RIMS1: variants seen among roughly 807,000 people sequenced by gnomAD.
RIMS1 encodes regulating synaptic membrane exocytosis 1.
A neutral mutation model predicts 214.1 loss-of-function variants in RIMS1; 83 were observed. That is an observed-to-expected ratio of 0.39 (90% CI 0.32 to 0.47). The LOEUF (loss-of-function observed/expected upper bound fraction) is 0.47. Ranked by LOEUF, RIMS1 falls within the 20% of genes least tolerant of loss-of-function variation. The probability of loss-of-function intolerance (pLI) is 0.99; values close to 1 mark genes in which losing one functional copy is unlikely to be tolerated. For missense variants in RIMS1, 2,050 were observed against 2,161.8 expected, an observed-to-expected ratio of 0.95 and a Z score of 1.03; for synonymous variants, 793 against 786.8, an observed-to-expected ratio of 1.01 and a Z score of -0.13.
chr6:71,955,277 C>T (rs548715117), intron 1 of RIMS1, among the ~76,000 whole-genome samples: 18 of 152,192 alleles, frequency 1.2e-4, no homozygotes, highest in African/African-American at 2.9e-4. Flanking sequence ...AGCGATTCTC[C>T]TGCCTCAGCC....
chr6:72,328,294 CA>C (rs899056629), intron 28 of RIMS1, among the ~76,000 whole-genome samples: 21 of 151,672 alleles, frequency 1.4e-4, no homozygotes, highest in African/African-American at 4.8e-4. Flanking sequence ...CAAGGCCTGT[CA>C]GGGGGTAGGG....
chr6:72,222,891 T>C (rs2058961854), intron 6 of RIMS1, among the ~76,000 whole-genome samples: 1 of 152,214 alleles, frequency 6.6e-6, no homozygotes, highest in South Asian at 2.1e-4. Context: ...TTAACACAAT[T>C]ATGTTCATAG....
At chr6:72,237,963 A>G (rs1355197234) in intron 9 of RIMS1, 41 bp downstream of exon 9, 3 of 1,358,200 alleles carry the variant, frequency 2.2e-6, no homozygotes, top group African/African-American at 2.9e-5. Flanking sequence ...TGTGTTCTCC[A>G]TGCATGAACA....
At chr6:72,263,118 A>T in intron 19 of RIMS1, 1 of 984,202 alleles carries the variant, frequency 1.0e-6, no homozygotes. Flanking sequence ...TGTTTCACCA[A>T]TAAGAGTTTT....
chr6:72,165,757 A>G (rs573192635), intron 4 of RIMS1, among the ~76,000 whole-genome samples: 1 of 152,268 alleles, frequency 6.6e-6, no homozygotes, highest in East Asian at 1.9e-4. Flanking sequence ...AGGAGAAAAA[A>G]TGCTGCTAGT....
intron 2 of RIMS1, among the ~76,000 whole-genome samples, chr6:72,010,896 A>G (rs540927722): frequency 4.3e-4 from 65 of 152,342 alleles, no homozygotes; most frequent in Non-Finnish European, 8.8e-4. Context: ...GAAAATGGCC[A>G]TACTGCCCAA....
At chr6:72,263,840 C>CAA in intron 19 of RIMS1, 1 of 330,852 alleles carries the variant, frequency 3.0e-6, no homozygotes, top group Non-Finnish European at 4.1e-6. Flanking sequence ...CACACACACA[C>CAA]AAATTAGGTG....
At chr6:72,053,022 C>T (rs991381459) in intron 2 of RIMS1, among the ~76,000 whole-genome samples, 2 of 152,146 alleles carry the variant, frequency 1.3e-5, no homozygotes, top group African/African-American at 4.8e-5. Context: ...AAGAGCTGAA[C>T]GATAGCCTCA....
intron 29 of RIMS1, among the ~76,000 whole-genome samples, chr6:72,364,275 C>T (rs186679329): frequency 2.2e-4 from 34 of 152,210 alleles, no homozygotes; most frequent in Non-Finnish European, 2.9e-4. Context: ...CACATTATAA[C>T]GAGGAAATGT....
intron 4 of RIMS1, among the ~76,000 whole-genome samples, chr6:72,178,133 A>C (rs1463933116): frequency 1.6e-4 from 24 of 152,200 alleles, no homozygotes; most frequent in Admixed American, 1.5e-3. Context: ...AGTCTAAATA[A>C]ATCAATTAAC....
intron 14 of RIMS1, 51 bp from the exon 15 acceptor site, chr6:72,251,164 C>T: frequency 6.4e-7 from 1 of 1,559,606 alleles, no homozygotes; most frequent in Non-Finnish European, 8.7e-7. Context: ...ATTACTATTA[C>T]ATTATGTTTT....
At chr6:72,277,002 T>G (rs936102997) in intron 23 of RIMS1, among the ~76,000 whole-genome samples, 16 of 152,226 alleles carry the variant, frequency 1.1e-4, no homozygotes, top group Non-Finnish European at 1.8e-4. Context: ...AATGACAATT[T>G]ATACAATTCA....
intron 9 of RIMS1, 66 bp downstream of exon 9, chr6:72,237,988 T>A: frequency 1.8e-6 from 2 of 1,117,814 alleles, no homozygotes; most frequent in South Asian, 2.9e-5. Flanking sequence ...TTGGTGGTTT[T>A]CAATTTGGGG....
intron 4 of RIMS1, among the ~76,000 whole-genome samples, chr6:72,114,042 C>T (rs1334197268): frequency 6.6e-6 from 1 of 151,870 alleles, no homozygotes; most frequent in Non-Finnish European, 1.5e-5. Flanking sequence ...TTCTTTAATG[C>T]ATCTCAAAGT....
chr6:72,126,408 G>C (rs1350635624), intron 4 of RIMS1, among the ~76,000 whole-genome samples: 1 of 152,000 alleles, frequency 6.6e-6, no homozygotes. Flanking sequence ...AACAAAAACA[G>C]TAATGAATAA....
At chr6:72,272,802 C>T (rs1003014544) in intron 22 of RIMS1, among the ~76,000 whole-genome samples, 18 of 152,034 alleles carry the variant, frequency 1.2e-4, no homozygotes, top group Admixed American at 1.1e-3. Flanking sequence ...TGAGTATATA[C>T]CTTAATGTAG....
At chr6:72,281,731 A>G (rs1291488107) in intron 23 of RIMS1, among the ~76,000 whole-genome samples, 1 of 151,826 alleles carries the variant, frequency 6.6e-6, no homozygotes, top group African/African-American at 2.4e-5. Context: ...TTCACTTTAC[A>G]TCTTTGCTAA....
chr6:72,249,187 C>T (rs1445492454), intron 12 of RIMS1, among the ~76,000 whole-genome samples: 1 of 152,012 alleles, frequency 6.6e-6, no homozygotes, highest in African/African-American at 2.4e-5. Context: ...ACAGCATATG[C>T]TTACTTAAAC....
intron 9 of RIMS1, among the ~76,000 whole-genome samples, chr6:72,240,964 C>T (rs1459606231): frequency 4.6e-5 from 7 of 151,892 alleles, no homozygotes; most frequent in African/African-American, 9.7e-5. Flanking sequence ...TGCAGTGAGC[C>T]GAGATTGCGC....
Sources: gnomAD v4.1 joint callset for allele counts (sites outside exome capture counted in the v4.1 genomes callset) on GRCh38, gnomAD v4.1.1 for gene constraint, MANE v1.5 for transcripts, NCBI Gene and HGNC (gene_info 2026-07-23, HGNC 2026-07-21) for gene names.